Variants in TENT2 observed in about 807,000 individuals in gnomAD.
TENT2 encodes the protein terminal nucleotidyltransferase 2, also known as poly(A) RNA polymerase GLD2.
A neutral mutation model predicts 72.2 loss-of-function variants in TENT2; 44 were observed. The observed-to-expected ratio is 0.61, with a 90% CI of 0.48 to 0.78. TENT2 has a LOEUF of 0.78. Ranked by LOEUF, TENT2 falls within the 30% of genes least tolerant of loss-of-function variation. The pLI is 0.00. For synonymous variants in TENT2, 212 were observed against 192.5 expected, an observed-to-expected ratio of 1.10 and a Z score of -0.84; for missense variants, 541 against 569.6, an observed-to-expected ratio of 0.95 and a Z score of 0.51.
intron 8 of TENT2, among the ~76,000 whole-genome samples, chr5:79,648,093 C>G (rs1469554034): frequency 1.3e-5 from 2 of 152,088 alleles, no homozygotes; most frequent in African/African-American, 2.4e-5. Context: ...AATGGGATAA[C>G]TTGCTCAGAA....
At chr5:79,682,173 A>T (rs570653433) in intron 14 of TENT2, 112 bp downstream of exon 14, 1 of 604,512 alleles carries the variant, frequency 1.7e-6, no homozygotes, top group East Asian at 3.0e-5. Flanking sequence ...GAATCCATTA[A>T]TATAGCATGA....
chr5:79,632,590 G>A (rs529217024), intron 4 of TENT2, among the ~76,000 whole-genome samples: 4 of 152,144 alleles, frequency 2.6e-5, no homozygotes, highest in African/African-American at 9.6e-5. Flanking sequence ...ATGAGGTTAG[G>A]CTGAGGTTTT....
intron 8 of TENT2, among the ~76,000 whole-genome samples, chr5:79,647,502 C>G (rs1179352269): frequency 6.6e-6 from 1 of 152,112 alleles, no homozygotes; most frequent in Non-Finnish European, 1.5e-5. Context: ...CTGTAAGTTT[C>G]CCAAAGCCAA....
At chr5:79,684,652 G>A (rs1825180392) in intron 14 of TENT2, among the ~76,000 whole-genome samples, 2 of 152,194 alleles carry the variant, frequency 1.3e-5, no homozygotes, top group African/African-American at 2.4e-5. Context: ...CAAAGGTTTT[G>A]TCTTAATTAC....
intron 11 of TENT2, among the ~76,000 whole-genome samples, chr5:79,664,952 G>T (rs1806201316): frequency 6.6e-6 from 1 of 152,142 alleles, no homozygotes; most frequent in African/African-American, 2.4e-5. Context: ...AATGCTCTTA[G>T]TCACTTCATT....
chr5:79,629,219 C>A (rs1324831850), intron 4 of TENT2, among the ~76,000 whole-genome samples: 1 of 152,110 alleles, frequency 6.6e-6, no homozygotes, highest in Non-Finnish European at 1.5e-5. Context: ...CACGTACAAA[C>A]CCAACTTCTA....
intron 4 of TENT2, among the ~76,000 whole-genome samples, chr5:79,632,229 G>A (rs1251831437): frequency 6.6e-6 from 1 of 152,016 alleles, no homozygotes; most frequent in Admixed American, 6.6e-5. Flanking sequence ...CCAGCTCCAG[G>A]GAAAGATTTT....
chr5:79,620,163 G>T, intron 3 of TENT2, 80 bp downstream of exon 3: 1 of 941,102 alleles, frequency 1.1e-6, no homozygotes, highest in Non-Finnish European at 1.7e-6. Context: ...AATTAATATT[G>T]TATGGACCCT....
At chr5:79,674,803 T>A (rs1815904535) in intron 12 of TENT2, among the ~76,000 whole-genome samples, 1 of 152,086 alleles carries the variant, frequency 6.6e-6, no homozygotes, top group Non-Finnish European at 1.5e-5. Context: ...AATATATGAG[T>A]CTATCTAGGA....
rs1756116347 is a variant in TENT2, at chr5:79,612,675, G to GAGAA, written c.-435_-432dup. ...GCCACCACTACCTCCTTTGGTTCGG[G>GAGAA]AGAAAGCTACGACCAAGTACGCCCA... is the stretch of plus-strand genomic sequence containing the variant. On this transcript the variant is annotated 5_prime_UTR_variant, in exon 1 of 15. Transcript: ENST00000453514. 1 of 152,738 alleles carries GAGAA rather than the reference G, an allele frequency of 6.5e-6. No homozygotes were observed. The highest frequency in any genetic ancestry group is 1.5e-5 in the Non-Finnish European group (1 of 68,156). The allele number at this position is 152,738 out of a possible 1,614,324, so 9.5% of individuals were successfully genotyped here. A position where few individuals can be genotyped will look rare whatever the true frequency, so the allele number is the denominator to read the frequency against.
intron 4 of TENT2, among the ~76,000 whole-genome samples, chr5:79,630,142 C>G (rs1444045457): frequency 6.6e-6 from 1 of 151,814 alleles, no homozygotes; most frequent in Non-Finnish European, 1.5e-5. Flanking sequence ...CTCAAAAATA[C>G]AAAAATTAAA....
At chr5:79,642,432 GC>G (rs200141835) in intron 6 of TENT2, among the ~76,000 whole-genome samples, 4,274 of 152,132 alleles carry the variant, frequency 0.028, 100 homozygotes, top group Non-Finnish European at 0.042. Flanking sequence ...TGATGTCATA[GC>G]TTTTACACAA....
intron 12 of TENT2, 61 bp from the exon 13 acceptor site, chr5:79,679,518 A>G (rs1401467333): frequency 7.8e-7 from 1 of 1,274,042 alleles, no homozygotes; most frequent in Non-Finnish European, 1.1e-6. Flanking sequence ...TTGATACAAT[A>G]AAAATAATAT....
At chr5:79,630,085 A>G (rs1411449940) in intron 4 of TENT2, among the ~76,000 whole-genome samples, 1 of 152,214 alleles carries the variant, frequency 6.6e-6, no homozygotes, top group Non-Finnish European at 1.5e-5. Flanking sequence ...CAGTGAGCCA[A>G]CATCGCGTCA....
intron 8 of TENT2, 21 bp downstream of exon 8, chr5:79,645,213 CTT>C (rs763292698): frequency 1.3e-6 from 2 of 1,580,934 alleles, no homozygotes; most frequent in African/African-American, 2.7e-5. Flanking sequence ...AATGAGCTTT[CTT>C]TTTTTAGTTC....
chr5:79,641,186 A>C lies in TENT2; in HGVS notation c.662A>C (p.Lys221Thr). The C allele has an allele frequency of 6.4e-7, 1 of 1,563,004 alleles. No homozygotes were observed. The highest frequency in any genetic ancestry group is 8.6e-7 in the Non-Finnish European group (1 of 1,162,864). Residue 221 changes from lysine to threonine, a missense_variant, in exon 6 of 15, where the codon AAG becomes ACG. Lys to Thr is a moderately conservative substitution (Grantham distance 78, BLOSUM62 -1). Transcript: ENST00000453514. ...SSDGDLCLVV[K>T]EEPCFFQVNQ... ...GATGGTGATTTATGCCTAGTTGTTAAGGAAGAACCAGTAAGTAAGGAAACA... is the reference window on the plus strand; with the variant it reads ...GATGGTGATTTATGCCTAGTTGTTACGGAAGAACCAGTAAGTAAGGAAACA...
chr5:79,651,434 T>C (rs1425535089), intron 10 of TENT2, among the ~76,000 whole-genome samples: 2 of 149,932 alleles, frequency 1.3e-5, no homozygotes, highest in Non-Finnish European at 3.0e-5. Flanking sequence ...TATTTTGCTA[T>C]GTTAAGTATT....
intron 1 of TENT2, chr5:79,617,705 C>T (rs1190342689): frequency 6.6e-6 from 1 of 152,000 alleles, no homozygotes; most frequent in African/African-American, 2.4e-5. Context: ...TTCTAGTTGC[C>T]TTTGCATTGA....
intron 6 of TENT2, among the ~76,000 whole-genome samples, chr5:79,642,597 G>C (rs924448535): frequency 6.6e-6 from 1 of 152,064 alleles, no homozygotes; most frequent in Non-Finnish European, 1.5e-5. Flanking sequence ...TTTGAAAATT[G>C]TGCTTTAAGC....
Sources: allele counts gnomAD v4.1 joint callset (sites outside exome capture counted in the v4.1 genomes callset), GRCh38; gene constraint gnomAD v4.1.1; transcripts MANE v1.5; gene names NCBI Gene and HGNC (gene_info 2026-07-23, HGNC 2026-07-21).